SLC25A25: variants seen among roughly 807,000 people sequenced by gnomAD.
SLC25A25 encodes the protein solute carrier family 25 member 25.
SLC25A25 carries 32 observed loss-of-function variants against 57.7 expected under a neutral mutation model. The ratio of observed to expected loss-of-function variants is 0.55; its 90% CI spans 0.42 to 0.74. The LOEUF (loss-of-function observed/expected upper bound fraction) is 0.74. Among genes scored for constraint, SLC25A25 ranks in the 30% least tolerant of loss-of-function variants. The pLI is 0.00. For missense variants in SLC25A25, 556 were observed against 701.3 expected, an observed-to-expected ratio of 0.79 and a Z score of 2.34; for synonymous variants, 306 against 291.2, an observed-to-expected ratio of 1.05 and a Z score of -0.52.
intron 1 of SLC25A25, chr9:128,098,774 T>A: frequency 6.3e-7 from 1 of 1,598,956 alleles, no homozygotes; most frequent in Non-Finnish European, 8.5e-7. Context: ...AACCGGTATT[T>A]GTTGAGTGAA....
intron 1 of SLC25A25, among the ~76,000 whole-genome samples, chr9:128,077,721 G>T (rs1833049987): frequency 6.6e-6 from 1 of 151,700 alleles, no homozygotes; most frequent in African/African-American, 2.4e-5. Flanking sequence ...TGGAGTGATG[G>T]TTGCACATAT....
chr9:128,073,427 G>A (rs979000586), intron 1 of SLC25A25, among the ~76,000 whole-genome samples: 1 of 152,182 alleles, frequency 6.6e-6, no homozygotes, highest in Non-Finnish European at 1.5e-5. Flanking sequence ...CTATTGACTT[G>A]AAATTATTGA....
At position 128,101,259 on chromosome 9, in the gene SLC25A25, T is replaced by G; in HGVS notation, c.388+37T>G. The G allele has an allele frequency of 6.2e-7, 1 of 1,614,260 alleles. No homozygotes were observed. The highest frequency in any genetic ancestry group is 8.5e-7 in the Non-Finnish European group (1 of 1,180,040). On this transcript the variant is annotated intron_variant, in intron 2 of 10. Transcript: ENST00000373069. This position sits in a 1 kb window ranked among gnomAD's most constrained non-coding sequence, Gnocchi z 4.9. ...CTTCAGAGCTGTGGCCGGTCCAGCCTCGGGCCTCCCCGTGCGCCTGGCTCC... is the reference window on the plus strand; with the variant it reads ...CTTCAGAGCTGTGGCCGGTCCAGCCGCGGGCCTCCCCGTGCGCCTGGCTCC...
chr9:128,100,543 CAG>C (rs1434353639), intron 1 of SLC25A25, among the ~76,000 whole-genome samples: 1 of 152,192 alleles, frequency 6.6e-6, no homozygotes, highest in Non-Finnish European at 1.5e-5. Flanking sequence ...GGTGCTGTGG[CAG>C]AGTCTGGCTC....
rs1834018009 is a variant in SLC25A25 at position 128,106,043 on chromosome 9, C to T, written c.937-107C>T. 11 of 1,541,016 alleles carry T rather than the reference C, an allele frequency of 7.1e-6. No individual in the cohort carries two copies. The Admixed American group carries it at 1.7e-4, about 24-fold the overall frequency. ...GCCCAGGCTCACCACGAGTTCCTTACATTTCTGGGTAGCATAAAATGTGCC... is the reference window on the plus strand; with the variant it reads ...GCCCAGGCTCACCACGAGTTCCTTATATTTCTGGGTAGCATAAAATGTGCC... On this transcript the variant is annotated intron_variant, in intron 7 of 10. Transcript: ENST00000373069.
Position 128,102,513 on chromosome 9 carries a change from C to T in SLC25A25, c.624+32C>T, listed in dbSNP as rs1201777833. 1.3e-6 allele frequency: 2 copies of T among 1,566,190 alleles called. No homozygotes were observed. The highest frequency in any genetic ancestry group is 1.7e-5 in the Admixed American group (1 of 58,884). ...CCCACGTGCCCAGGGCCCTCATCTG[C>T]TCCCAGGGACCCTTAGCCCAGAGTC... On this transcript the variant is annotated intron_variant, in intron 5 of 10. Transcript: ENST00000373069. The surrounding 1 kb of genome is among the most constrained non-coding windows in gnomAD (Gnocchi z 4.1).
chr9:128,091,530 G>A, intron 1 of SLC25A25: 3 of 995,400 alleles, frequency 3.0e-6, no homozygotes, highest in Non-Finnish European at 3.6e-6. Context: ...CTGCTTGGCT[G>A]TCGCGTTTTC....
In SLC25A25 at chr9:128,090,214, T is replaced by C. The variant is rs1382893618; in HGVS notation, c.262-10882T>C. Among the ~76,000 whole-genome samples, 3 of 152,200 alleles carry C rather than the reference T, an allele frequency of 2.0e-5. No homozygotes were observed. The East Asian group carries it at 5.8e-4, about 30-fold the overall frequency. The stretch of plus-strand genomic sequence containing the variant: ...TTGTCATTTAACAAGTTGGTTTTTT[T>C]TTGTTTTTTGTTTTTGAGATGAAAT... On this transcript the variant is annotated intron_variant, in intron 1 of 10. Coordinates refer to ENST00000373069, the MANE Select transcript of SLC25A25 (RefSeq NM_001330988.2).
rs758660440 is a variant in SLC25A25, at chr9:128,102,457, C to T, written c.600C>T (p.Ile200=). The stretch of plus-strand genomic sequence containing the variant: ...ACCCCGTGGAAAACATCCCCGAGAT[C>T]ATCCTCTACTGGAAGCATTCCACGG... The part of the protein sequence containing the change: ...LLHPVENIPE[I]ILYWKHSTIF... The change falls in exon 5 of 11, where the codon ATC becomes ATT. Residue 200 remains isoleucine (I), a synonymous_variant. Coordinates refer to ENST00000373069, the MANE Select transcript of SLC25A25 (RefSeq NM_001330988.2). This position sits in a 1 kb window ranked among gnomAD's most constrained non-coding sequence, Gnocchi z 4.1. 3.1e-6 allele frequency: 5 copies of T among 1,613,976 alleles called. No individual in the cohort carries two copies. Among genetic ancestry groups the T allele is most frequent in the Non-Finnish European group, 4.2e-6 (5 of 1,179,930 alleles).
chr9:128,091,859 G>C (rs781268651), intron 1 of SLC25A25: 1 of 1,603,662 alleles, frequency 6.2e-7, no homozygotes, highest in Non-Finnish European at 8.5e-7. Flanking sequence ...GAGGCGTTTG[G>C]AGGAGACCGT....
At chr9:128,098,712 G>A (rs202228736) in intron 1 of SLC25A25, 6 of 1,614,072 alleles carry the variant, frequency 3.7e-6, no homozygotes, top group Middle Eastern at 1.7e-4. Flanking sequence ...TCCACCTACC[G>A]CCAGTGGAAG....
In SLC25A25 at chr9:128,105,794, A is replaced by C. The variant is rs766835860; in HGVS notation, c.849A>C (p.Gly283=). ...VGGFTQMIRE[G]GARSLWRGNG... is the part of the protein sequence containing the mutation. The stretch of plus-strand genomic sequence containing the variant: ...GCTTCACTCAGATGATTCGAGAAGG[A>C]GGGGCCAGGTCACTCTGGCGGGGCA... The change falls in exon 7 of 11, where the codon GGA becomes GGC. Residue 283 remains glycine, a synonymous_variant. Transcript: ENST00000373069. 6.2e-7 allele frequency: 1 copy of C among 1,614,106 alleles called. No individual in the cohort carries two copies. Among genetic ancestry groups the C allele is most frequent in the East Asian group, 2.2e-5 (1 of 44,880 alleles).
rs940175152 is a variant in SLC25A25, at chr9:128,103,418, G to A, written c.625-263G>A. On this transcript the variant is annotated intron_variant, in intron 5 of 10. Coordinates refer to ENST00000373069, the MANE Select transcript of SLC25A25 (RefSeq NM_001330988.2). This position sits in a 1 kb window ranked among gnomAD's most constrained non-coding sequence, Gnocchi z 6.7. ...CCTGGCAGCATTGGAAAGGGCCGGT[G>A]AATGGTTTTCTAACCGGCACCTCCC... is the stretch of plus-strand genomic sequence containing the variant. Among the ~76,000 whole-genome samples the A allele has an allele frequency of 2.0e-5, 3 of 152,232 alleles. No individual in the cohort carries two copies. The highest frequency in any genetic ancestry group is 7.2e-5 in the African/African-American group (3 of 41,450).
chr9:128,106,506 C>A lies in SLC25A25; in HGVS notation c.1198C>A (p.Leu400Ile), dbSNP rs1334507479. Residue 400 changes from leucine to isoleucine, a missense_variant, in exon 9 of 11, where the codon CTT (leucine) becomes ATT (isoleucine). Coordinates refer to ENST00000373069, the MANE Select transcript of SLC25A25 (RefSeq NM_001330988.2). ...CATCATCCCCTATGCCGGCATCGAC[C>A]TTGCAGTCTACGAGGTGAGGCCCAA... is the stretch of plus-strand genomic sequence containing the variant. ...LGIIPYAGID[L>I]AVYETLKNAW... 6.2e-7 allele frequency: 1 copy of A among 1,606,622 alleles called. No individual in the cohort carries two copies. The highest frequency in any genetic ancestry group is 8.5e-7 in the Non-Finnish European group (1 of 1,178,104).
At chr9:128,080,847 C>T (rs1195921040) in intron 1 of SLC25A25, among the ~76,000 whole-genome samples, 1 of 152,198 alleles carries the variant, frequency 6.6e-6, no homozygotes, top group Non-Finnish European at 1.5e-5. Context: ...GTTCAGTTCA[C>T]TCCCCACATT....
chr9:128,101,997 T>C lies in SLC25A25; in HGVS notation c.477-83T>C. 1 of 1,484,046 alleles carries C rather than the reference T, an allele frequency of 6.7e-7. No individual in the cohort carries two copies. Among genetic ancestry groups the C allele is most frequent in the Non-Finnish European group, 9.2e-7 (1 of 1,087,208 alleles). The allele number at this position is 1,484,046 out of a possible 1,614,324, so 91.9% of individuals were successfully genotyped here. On this transcript the variant is annotated intron_variant, in intron 3 of 10. Coordinates refer to ENST00000373069, the MANE Select transcript of SLC25A25 (RefSeq NM_001330988.2). The surrounding 1 kb of genome is among the most constrained non-coding windows in gnomAD (Gnocchi z 4.9). ...CGTGCTGTGCCCCTGTCTCTGGGTG[T>C]GTGCTTGCTTCACTAACATGGCTCC... is the stretch of plus-strand genomic sequence containing the variant.
chr9:128,098,048 G>C (rs531024441), intron 1 of SLC25A25, among the ~76,000 whole-genome samples: 3 of 152,352 alleles, frequency 2.0e-5, no homozygotes, highest in Admixed American at 1.3e-4. Flanking sequence ...CAGCTGAACT[G>C]GGCCCGTTTG....
chr9:128,077,758 C>G (rs770804123), intron 1 of SLC25A25, among the ~76,000 whole-genome samples: 10 of 151,472 alleles, frequency 6.6e-5, no homozygotes, highest in Non-Finnish European at 1.3e-4. Context: ...AACCACTGAA[C>G]TGTATACTTT....
chr9:128,068,897 A>G (rs1435639709), intron 1 of SLC25A25, among the ~76,000 whole-genome samples: 2 of 152,148 alleles, frequency 1.3e-5, no homozygotes, highest in Non-Finnish European at 2.9e-5. Flanking sequence ...CCTGACCTCA[A>G]GGCCAAGCTG....
Sources: allele counts gnomAD v4.1 joint callset (sites outside exome capture counted in the v4.1 genomes callset), GRCh38; gene constraint gnomAD v4.1.1; non-coding constraint Gnocchi (gnomAD v3.1); transcripts MANE v1.5; gene names NCBI Gene and HGNC (gene_info 2026-07-23, HGNC 2026-07-21).